The following ANKRD30BL variants were observed in gnomAD, a reference collection of about 807,000 sequenced individuals.
The protein encoded by ANKRD30BL is ankyrin repeat domain 30B like.
ANKRD30BL carries 20 observed loss-of-function variants against 18.4 expected under a neutral mutation model. The observed-to-expected ratio is 1.09, with a 90% CI of 0.77 to 1.58. The LOEUF (loss-of-function observed/expected upper bound fraction) is 1.58, where lower values mean the gene tolerates loss of function less well. Among genes scored for constraint, ANKRD30BL ranks in the 40% most tolerant of loss-of-function variants. The pLI, the probability that ANKRD30BL is intolerant of heterozygous loss-of-function variation, is 0.00. For missense variants in ANKRD30BL, 224 were observed against 268.6 expected (o/e 0.83, Z 1.16); for synonymous variants, 72 against 100.9 (o/e 0.71, Z 1.72).
chr2:132,177,588 T>A (rs1688386521), intron 1 of ANKRD30BL, among the ~76,000 whole-genome samples: 1 of 152,220 alleles, frequency 6.6e-6, no homozygotes, highest in African/African-American at 2.4e-5. Flanking sequence ...TTATATCAGC[T>A]GAAAGAAACA....
At chr2:132,221,090 C>T (rs538052016) in intron 1 of ANKRD30BL, among the ~76,000 whole-genome samples, 40 of 146,770 alleles carry the variant, frequency 2.7e-4, no homozygotes, top group Admixed American at 1.6e-3. Flanking sequence ...GCCTGGCAAC[C>T]GCCCCGTCTG....
chr2:132,185,812 T>A (rs1445400966), intron 1 of ANKRD30BL, among the ~76,000 whole-genome samples: 2 of 152,134 alleles, frequency 1.3e-5, no homozygotes, highest in Admixed American at 6.6e-5. Flanking sequence ...TACATTCACA[T>A]GGATTACTAG....
At chr2:132,237,824 C>T (rs1680203452) in intron 1 of ANKRD30BL, among the ~76,000 whole-genome samples, 1 of 152,032 alleles carries the variant, frequency 6.6e-6, no homozygotes. Context: ...TTCTCAGAAA[C>T]TTCCTCATGA....
At chr2:132,192,164 C>T (rs1225060267) in intron 1 of ANKRD30BL, among the ~76,000 whole-genome samples, 1 of 152,122 alleles carries the variant, frequency 6.6e-6, no homozygotes, top group Non-Finnish European at 1.5e-5. Flanking sequence ...TCATAAAACT[C>T]AAGAAACCCT....
intron 1 of ANKRD30BL, among the ~76,000 whole-genome samples, chr2:132,160,681 G>A (rs1688032677): frequency 6.6e-6 from 1 of 151,664 alleles, no homozygotes; most frequent in Non-Finnish European, 1.5e-5. Context: ...ACCCACCTCG[G>A]CCTCCCAAAG....
chr2:132,256,678 G>A (rs536268883), intron 1 of ANKRD30BL, among the ~76,000 whole-genome samples: 1 of 152,338 alleles, frequency 6.6e-6, no homozygotes, highest in African/African-American at 2.4e-5. Flanking sequence ...TGCACACACT[G>A]CTGGCCGACC....
chr2:132,148,727 TACTG>T (rs1687680752), intron 5 of ANKRD30BL, among the ~76,000 whole-genome samples: 1 of 152,154 alleles, frequency 6.6e-6, no homozygotes, highest in South Asian at 2.1e-4. Flanking sequence ...GTCTGACACA[TACTG>T]AATATGGTAA....
chr2:132,255,202 T>A (rs1292101959), intron 1 of ANKRD30BL, among the ~76,000 whole-genome samples: 5 of 152,220 alleles, frequency 3.3e-5, no homozygotes, highest in Non-Finnish European at 5.9e-5. Flanking sequence ...AAAACATTCT[T>A]GGCAAATGCT....
At chr2:132,253,879 G>A (rs1038930375) in intron 1 of ANKRD30BL, among the ~76,000 whole-genome samples, 3 of 152,044 alleles carry the variant, frequency 2.0e-5, no homozygotes, top group South Asian at 2.1e-4. Context: ...CAAGCGGGCC[G>A]GGCCGGGCCA....
intron 1 of ANKRD30BL, among the ~76,000 whole-genome samples, chr2:132,231,244 A>C (rs1005480272): frequency 6.6e-6 from 1 of 152,146 alleles, no homozygotes; most frequent in Non-Finnish European, 1.5e-5. Flanking sequence ...TTGATAGAGC[A>C]GTTTTGAACC....
intron 1 of ANKRD30BL, among the ~76,000 whole-genome samples, chr2:132,203,479 C>T (rs1467275090): frequency 6.6e-6 from 1 of 151,838 alleles, no homozygotes; most frequent in African/African-American, 2.4e-5. Flanking sequence ...GAGACATAAG[C>T]CATACTGAGA....
At chr2:132,187,761 C>CTT (rs113704728) in intron 1 of ANKRD30BL, among the ~76,000 whole-genome samples, 1,573 of 142,228 alleles carry the variant, frequency 0.011, 25 homozygotes, top group African/African-American at 0.038. Context: ...AGAATAGATT[C>CTT]TTTTTTTTTT....
chr2:132,257,456 C>A (rs1680891051), intron 1 of ANKRD30BL: 1 of 291,660 alleles, frequency 3.4e-6, no homozygotes, highest in African/African-American at 2.4e-5. Context: ...AGGCGCGGGC[C>A]ACACAGTAGG....
intron 1 of ANKRD30BL, among the ~76,000 whole-genome samples, chr2:132,255,408 A>C (rs1680802305): frequency 6.7e-6 from 1 of 149,526 alleles, no homozygotes; most frequent in Non-Finnish European, 1.5e-5. Flanking sequence ...TTTCAAAGTA[A>C]GTGCTTCGGG....
At chr2:132,169,452 T>A (rs1688239699) in intron 1 of ANKRD30BL, among the ~76,000 whole-genome samples, 1 of 152,114 alleles carries the variant, frequency 6.6e-6, no homozygotes, top group East Asian at 1.9e-4. Context: ...ATCGAGACCA[T>A]CATGGCCACC....
At chr2:132,179,541 A>T (rs999250341) in intron 1 of ANKRD30BL, among the ~76,000 whole-genome samples, 7 of 152,120 alleles carry the variant, frequency 4.6e-5, no homozygotes, top group Middle Eastern at 3.2e-3. Context: ...CTCCCGCCTC[A>T]GCCTCCCAAA....
At position 132,157,412 on chromosome 2, in the gene ANKRD30BL, T is replaced by C; in HGVS notation, c.230A>G (p.Tyr77Cys). The change falls in exon 2 of 6, where the codon TAC becomes TGC. Residue 77 changes from tyrosine to cysteine, a missense_variant. Tyr to Cys is a radical substitution (Grantham distance 194). Around this residue, in one of 3 missense-constraint regions of ANKRD30BL, gnomAD observed 131 missense variants for 128.8 expected, o/e 1.02. Coordinates refer to ENST00000409867, the MANE Select transcript of ANKRD30BL (RefSeq NM_001358416.1). ...IRDAKKRTAL[Y>C]WACANGHAEV... ...TGCATGGCCATTGGCACAGGCCCAGTATAGAGCAGTCCTACAAGAATGAGA... is the reference window on the plus strand; with the variant it reads ...TGCATGGCCATTGGCACAGGCCCAGCATAGAGCAGTCCTACAAGAATGAGA... The C allele has an allele frequency of 1.4e-6, 1 of 720,076 alleles. No homozygotes were observed. The highest frequency in any genetic ancestry group is 2.6e-6 in the Non-Finnish European group (1 of 388,550). The allele number at this position is 720,076 out of a possible 1,614,324, so 44.6% of individuals were successfully genotyped here.
intron 1 of ANKRD30BL, among the ~76,000 whole-genome samples, chr2:132,179,194 C>T (rs1688415531): frequency 6.6e-6 from 1 of 151,782 alleles, no homozygotes; most frequent in South Asian, 2.1e-4. Context: ...GCTGCCAGGC[C>T]TCTAGCACAT....
chr2:132,231,192 T>C (rs76887925), intron 1 of ANKRD30BL, among the ~76,000 whole-genome samples: 1 of 152,106 alleles, frequency 6.6e-6, no homozygotes, highest in South Asian at 2.1e-4. Flanking sequence ...CTCAGAAACT[T>C]CTTTGTGATG....
Sources: gnomAD v4.1 joint callset for allele counts (sites outside exome capture counted in the v4.1 genomes callset) on GRCh38, gnomAD v4.1.1 for gene constraint, gnomAD v4.1.1 regional missense constraint, MANE v1.5 for transcripts, NCBI Gene and HGNC (gene_info 2026-07-23, HGNC 2026-07-21) for gene names.